HPSE2: variants seen among roughly 807,000 people sequenced by gnomAD.
HPSE2 encodes the protein heparanase 2 (inactive), also known as inactive heparanase-2.
In HPSE2, 38 loss-of-function variants were observed where a neutral mutation model predicts 60.5. The observed-to-expected ratio is 0.63, with a 90% CI of 0.48 to 0.82. The LOEUF is 0.82. Among genes scored for constraint, HPSE2 ranks in the 40% least tolerant of loss-of-function variants. HPSE2 has a pLI of 0.00. For missense variants in HPSE2, 713 were observed against 740.4 expected (o/e 0.96, Z 0.43); for synonymous variants, 295 against 293.2 (o/e 1.01, Z -0.06).
the HPSE2 span, among the ~76,000 whole-genome samples, chr10:99,292,856 T>C: frequency 1.3e-5 from 2 of 152,188 alleles, no homozygotes; most frequent in African/African-American, 4.8e-5. Context: ...TATTGGATGG[T>C]ACAGATCTAG....
At chr10:99,193,584 T>C (rs532069118) in intron 2 of HPSE2, among the ~76,000 whole-genome samples, 2 of 150,260 alleles carry the variant, frequency 1.3e-5, no homozygotes, top group Non-Finnish European at 3.0e-5. Context: ...AATAAAGGGA[T>C]AGTAAAAGGT....
At chr10:98,869,067 G>C (rs939306944) in intron 3 of HPSE2, among the ~76,000 whole-genome samples, 1 of 151,900 alleles carries the variant, frequency 6.6e-6, no homozygotes, top group Non-Finnish European at 1.5e-5. Flanking sequence ...GTGCGCACGC[G>C]TGTGTGTTTT....
At chr10:98,959,023 G>C (rs1414791729) in intron 3 of HPSE2, among the ~76,000 whole-genome samples, 1 of 152,060 alleles carries the variant, frequency 6.6e-6, no homozygotes, top group Non-Finnish European at 1.5e-5. Flanking sequence ...GTTAAGAGCA[G>C]AGATAATGTA....
chr10:99,242,930 C>T, the HPSE2 span, among the ~76,000 whole-genome samples: 256 of 152,270 alleles, frequency 1.7e-3, 1 homozygote, highest in Non-Finnish European at 3.0e-3. Flanking sequence ...GTGTAATTTG[C>T]ACAGATGGGT....
At chr10:98,688,477 CT>C (rs1388717965) in intron 6 of HPSE2, among the ~76,000 whole-genome samples, 14 of 83,030 alleles carry the variant, frequency 1.7e-4, no homozygotes, top group African/African-American at 5.7e-4. Flanking sequence ...TTTTTTTTTT[CT>C]TTTTTTTTTT....
At chr10:99,175,845 G>A (rs893069673) in intron 2 of HPSE2, among the ~76,000 whole-genome samples, 3 of 152,142 alleles carry the variant, frequency 2.0e-5, no homozygotes, top group Non-Finnish European at 4.4e-5. Flanking sequence ...TTTCAGCAGG[G>A]GTCAACAGAC....
intron 3 of HPSE2, among the ~76,000 whole-genome samples, chr10:98,823,533 AG>A (rs1951471675): frequency 6.6e-6 from 1 of 152,142 alleles, no homozygotes; most frequent in Admixed American, 6.5e-5. Flanking sequence ...GGCTGAGGTG[AG>A]AGGATTGCTT....
chr10:99,155,829 A>G (rs1489514756), intron 2 of HPSE2, among the ~76,000 whole-genome samples: 5 of 151,280 alleles, frequency 3.3e-5, no homozygotes, highest in African/African-American at 1.2e-4. Flanking sequence ...GTTTTTTGAA[A>G]GGATCAACAA....
rs1479059576 is a variant in HPSE2 at position 98,532,288 on chromosome 10, T to A, written c.1321-42092A>T. ...AAGCTTCAGAAATAGAGAAGGTACA[T>A]CAGATCCTACAACACAAAGGGCCAG... On this transcript the variant is annotated intron_variant, in intron 9 of 11. Transcript: ENST00000370552. Among the ~76,000 whole-genome samples, 4 of 152,228 alleles carry A rather than the reference T, an allele frequency of 2.6e-5. No homozygotes were observed. The East Asian group carries it at 5.8e-4, about 22-fold the overall frequency.
chr10:99,181,112 C>G (rs1280523147), intron 2 of HPSE2, among the ~76,000 whole-genome samples: 3 of 152,022 alleles, frequency 2.0e-5, no homozygotes, highest in African/African-American at 2.4e-5. Flanking sequence ...TATAAAGACA[C>G]ACGCGGCCGG....
chr10:99,066,517 A>G (rs1842623036), intron 3 of HPSE2, among the ~76,000 whole-genome samples: 1 of 152,176 alleles, frequency 6.6e-6, no homozygotes, highest in Non-Finnish European at 1.5e-5. Flanking sequence ...TGGCCTCACA[A>G]TCATGGCAGA....
intron 11 of HPSE2, among the ~76,000 whole-genome samples, chr10:98,476,966 AT>A (rs1178017260): frequency 3.3e-5 from 5 of 152,224 alleles, no homozygotes; most frequent in African/African-American, 1.2e-4. Flanking sequence ...GAGTCCAGTT[AT>A]CCATATGTAT....
chr10:98,654,589 TTCTA>T (rs1589579791), intron 6 of HPSE2, among the ~76,000 whole-genome samples: 1 of 152,220 alleles, frequency 6.6e-6, no homozygotes. Context: ...CCATTGTAGT[TTCTA>T]TCTCTCTACT....
At chr10:98,596,174 G>A (rs1435590493) in intron 9 of HPSE2, among the ~76,000 whole-genome samples, 1 of 151,980 alleles carries the variant, frequency 6.6e-6, no homozygotes, top group Non-Finnish European at 1.5e-5. Context: ...TTCCCTTTTA[G>A]TGACCTTATC....
intron 2 of HPSE2, among the ~76,000 whole-genome samples, chr10:99,220,112 G>A (rs1277963584): frequency 1.3e-5 from 2 of 152,110 alleles, no homozygotes; most frequent in Non-Finnish European, 2.9e-5. Context: ...GATGCATAAG[G>A]TTAGTTTTGC....
intron 7 of HPSE2, among the ~76,000 whole-genome samples, chr10:98,641,553 C>T (rs897939445): frequency 6.6e-6 from 1 of 151,782 alleles, no homozygotes; most frequent in African/African-American, 2.4e-5. Context: ...TGCCACTGCA[C>T]TCCAGCCTGG....
intron 9 of HPSE2, among the ~76,000 whole-genome samples, chr10:98,568,128 T>G (rs1944398599): frequency 1.3e-5 from 2 of 152,214 alleles, no homozygotes; most frequent in African/African-American, 4.8e-5. Flanking sequence ...TGTGCCCTGA[T>G]TCTTTGCCTC....
the HPSE2 span, among the ~76,000 whole-genome samples, chr10:99,295,877 G>T: frequency 6.6e-6 from 1 of 152,198 alleles, no homozygotes; most frequent in Admixed American, 6.5e-5. Context: ...AAATTGGAAA[G>T]AAATTTGGTA....
intron 4 of HPSE2, among the ~76,000 whole-genome samples, chr10:98,727,587 C>T (rs1449805614): frequency 1.3e-5 from 2 of 151,644 alleles, no homozygotes; most frequent in Non-Finnish European, 2.9e-5. Context: ...ATCCAGGAGG[C>T]GGAGGTTGCA....
Sources: gnomAD v4.1 joint callset for allele counts (sites outside exome capture counted in the v4.1 genomes callset) on GRCh38, gnomAD v4.1.1 for gene constraint, MANE v1.5 for transcripts, NCBI Gene and HGNC (gene_info 2026-07-23, HGNC 2026-07-21) for gene names.